ZNF577: variants seen among roughly 807,000 people sequenced by gnomAD.
ZNF577 encodes zinc finger protein 577.
Under a neutral mutation model 13.9 loss-of-function variants are expected in ZNF577, and 14 were observed. The observed-to-expected ratio is 1.00, with a 90% CI of 0.66 to 1.57. The LOEUF (loss-of-function observed/expected upper bound fraction) is 1.57, where lower values mean the gene tolerates loss of function less well. Among genes scored for constraint, ZNF577 ranks in the 40% most tolerant of loss-of-function variants. The pLI, the probability that ZNF577 is intolerant of heterozygous loss-of-function variation, is 0.00. For synonymous variants in ZNF577, 203 were observed against 202.9 expected (o/e 1.00, Z 0.00); for missense variants, 555 against 579.2 (o/e 0.96, Z 0.43).
At chr19:51,860,844 G>A in intron 5 of ZNF577, 1 of 361,454 alleles carries the variant, frequency 2.8e-6, no homozygotes, top group Non-Finnish European at 5.2e-6. Context: ...CTGTATCTAT[G>A]AGATTTCTCT....
downstream of ZNF577, among the ~76,000 whole-genome samples, chr19:51,865,057 CTTCT>C (rs1381963109): frequency 6.6e-6 from 1 of 152,180 alleles, no homozygotes; most frequent in African/African-American, 2.4e-5. Context: ...CAGATTCATT[CTTCT>C]TTAATTCTGC....
At chr19:51,808,571 T>C (rs983701469) in intron 10 of ZNF577, among the ~76,000 whole-genome samples, 1 of 152,160 alleles carries the variant, frequency 6.6e-6, no homozygotes, top group Non-Finnish European at 1.5e-5. Context: ...AAACTCTCCA[T>C]TGATAATGAG....
intron 9 of ZNF577, among the ~76,000 whole-genome samples, chr19:51,831,479 C>A (rs1322967810): frequency 6.6e-6 from 1 of 151,796 alleles, no homozygotes; most frequent in African/African-American, 2.4e-5. Flanking sequence ...AAACGTGGAC[C>A]AAATCTGTGT....
chr19:51,830,183 A>C (rs1489037557), intron 9 of ZNF577, among the ~76,000 whole-genome samples: 2 of 151,424 alleles, frequency 1.3e-5, no homozygotes, highest in East Asian at 3.9e-4. Context: ...AACTAATATA[A>C]ATTAGTAGAA....
In ZNF577 at chr19:51,868,899, G is replaced by A. The variant is rs1191080943; in HGVS notation, c.*3633C>T. 1.3e-5 allele frequency among the ~76,000 whole-genome samples: 2 copies of A among 152,200 alleles called. No homozygotes were observed. Among genetic ancestry groups the A allele is most frequent in the Admixed American group, 1.3e-4 (2 of 15,278 alleles). ...TGACTCAAGGTTTACTAGATTTAGG[G>A]CTGTGCAGGATGTGCTTTGTTAAAA... On this transcript the variant is annotated 3_prime_UTR_variant, in exon 6 of 6. Coordinates refer to ENST00000638348, the MANE Select transcript of ZNF577 (RefSeq NM_001370449.1).
chr19:51,811,881 T>C (rs1441632878), intron 9 of ZNF577, among the ~76,000 whole-genome samples: 1 of 152,186 alleles, frequency 6.6e-6, no homozygotes, highest in Non-Finnish European at 1.5e-5. Context: ...TGTTTGATCA[T>C]ATAGCCTCCA....
intron 9 of ZNF577, chr19:51,826,110 A>T (rs1160675582): frequency 6.5e-6 from 1 of 154,470 alleles, no homozygotes; most frequent in Admixed American, 6.6e-5. Flanking sequence ...TTATTCTTTC[A>T]TTTACATAAT....
At chr19:51,835,827 G>C (rs748633136) in intron 9 of ZNF577, among the ~76,000 whole-genome samples, 8 of 152,062 alleles carry the variant, frequency 5.3e-5, no homozygotes, top group Non-Finnish European at 1.2e-4. Flanking sequence ...TGAGTAGCTC[G>C]AATCACAGAT....
exon 10 of ZNF577, chr19:51,811,479 T>G (rs2084095964): frequency 6.6e-6 from 1 of 152,270 alleles, no homozygotes; most frequent in African/African-American, 2.4e-5. Flanking sequence ...TGACCTCATG[T>G]GCGCTGCCAG....
Position 51,870,338 on chromosome 19 carries a change from T to G in ZNF577, c.*2194A>C, listed in dbSNP as rs896661070. Reference sequence around the variant, plus strand: ...AATTACTGACTGGTAGATTGCTTTCTATTTCTTTATTAGTCTCTGTTTGGA... The same window carrying G: ...AATTACTGACTGGTAGATTGCTTTCGATTTCTTTATTAGTCTCTGTTTGGA... On this transcript the variant is annotated 3_prime_UTR_variant, in exon 6 of 6. Coordinates refer to ENST00000638348, the MANE Select transcript of ZNF577 (RefSeq NM_001370449.1). Among the ~76,000 whole-genome samples the G allele has an allele frequency of 6.6e-6, 1 of 152,226 alleles. No individual in the cohort carries two copies. The highest frequency in any genetic ancestry group is 1.5e-5 in the Non-Finnish European group (1 of 68,040).
Position 51,852,933 on chromosome 19 carries a change from C to CTTTTTTTT in ZNF577, c.284-8010_284-8003dup, listed in dbSNP as rs112665914. The stretch of plus-strand genomic sequence containing the variant: ...GCTCTTTAAAAGACAGTTTTCTTTT[C>CTTTTTTTT]TTTTTTTTTTTCTTTGAGACAGGGT... On this transcript the variant is annotated intron_variant and NMD_transcript_variant, in intron 5 of 10. Transcript: ENST00000638827. Among the ~76,000 whole-genome samples the CTTTTTTTT allele has an allele frequency of 2.8e-5, 4 of 144,020 alleles. 1 individual carries two copies. The highest frequency in any genetic ancestry group is 5.2e-5 in the African/African-American group (2 of 38,556). 94.5% of individuals were successfully genotyped at this position (144,020 alleles called of 152,430 possible).
At chr19:51,828,367 CA>C (rs11307174) in intron 9 of ZNF577, among the ~76,000 whole-genome samples, 18,296 of 118,324 alleles carry the variant, frequency 0.15, 1,301 homozygotes, top group South Asian at 0.34. Context: ...GATTCCATCT[CA>C]AAAAAAAAAA....
At chr19:51,878,346 C>T in intron 4 of ZNF577, 43 bp downstream of exon 4, 1 of 1,604,646 alleles carries the variant, frequency 6.2e-7, no homozygotes, top group East Asian at 2.2e-5. Context: ...CAGTGGTCAC[C>T]AAATAAGAAA....
chr19:51,830,963 T>A (rs2084258228), intron 9 of ZNF577, among the ~76,000 whole-genome samples: 1 of 152,184 alleles, frequency 6.6e-6, no homozygotes, highest in Non-Finnish European at 1.5e-5. Context: ...CTTGAAAACC[T>A]ATGGGGCATC....
intron 1 of ZNF577, among the ~76,000 whole-genome samples, chr19:51,884,769 G>A (rs112939959): frequency 1.3e-5 from 2 of 152,194 alleles, no homozygotes; most frequent in African/African-American, 4.8e-5. Flanking sequence ...TTCAACAAGG[G>A]TTTACATGTA....
Position 51,824,287 on chromosome 19 carries a change from T to C in ZNF577, c.*600-12613A>G. On this transcript the variant is annotated intron_variant and NMD_transcript_variant, in intron 9 of 10. Transcript: ENST00000638827. The surrounding 1 kb of genome is among the most constrained non-coding windows in gnomAD (Gnocchi z 4.7). ...GGGGACACATACTGTATTTTCAACT[T>C]TGCATTCTGGGGTGACACTGCTGTA... is the stretch of plus-strand genomic sequence containing the variant. 1.2e-6 allele frequency: 2 copies of C among 1,614,168 alleles called. No homozygotes were observed. The highest frequency in any genetic ancestry group is 1.7e-6 in the Non-Finnish European group (2 of 1,180,016).
intron 9 of ZNF577, among the ~76,000 whole-genome samples, chr19:51,814,982 G>A (rs1405956543): frequency 2.6e-5 from 4 of 151,092 alleles, no homozygotes; most frequent in Admixed American, 6.6e-5. Flanking sequence ...GCTAATTTTC[G>A]TATTTTTAGT....
intron 9 of ZNF577, chr19:51,817,978 C>CT (rs142320718): frequency 0.11 from 15,730 of 148,110 alleles, 1,120 homozygotes; most frequent in Middle Eastern, 0.16. Flanking sequence ...TTTTTTCAGT[C>CT]TTTTTTTTTT....
chr19:51,882,694 G>T (rs1211256703), intron 1 of ZNF577, among the ~76,000 whole-genome samples: 1 of 152,080 alleles, frequency 6.6e-6, no homozygotes, highest in East Asian at 1.9e-4. Flanking sequence ...TGAGGCAGGA[G>T]GATCGCTTGA....
Sources: allele counts gnomAD v4.1 joint callset (sites outside exome capture counted in the v4.1 genomes callset), GRCh38; gene constraint gnomAD v4.1.1; non-coding constraint Gnocchi (gnomAD v3.1); transcripts MANE v1.5; gene names NCBI Gene and HGNC (gene_info 2026-07-23, HGNC 2026-07-21).